Variants in FAM81A observed in about 807,000 individuals in gnomAD.
FAM81A encodes the protein family with sequence similarity 81 member A.
A neutral mutation model predicts 46.7 loss-of-function variants in FAM81A; 19 were observed. The observed-to-expected ratio is 0.41, with a 90% confidence interval of 0.28 to 0.60. FAM81A has a LOEUF of 0.60. FAM81A is among the 20% of genes least tolerant of loss of function. The probability of loss-of-function intolerance (pLI) is 0.34; values close to 1 mark genes in which losing one functional copy is unlikely to be tolerated. For missense variants in FAM81A, 377 were observed against 453.5 expected, an observed-to-expected ratio of 0.83 and a Z score of 1.53; for synonymous variants, 183 against 152.9, an observed-to-expected ratio of 1.20 and a Z score of -1.45.
At chr15:59,494,911 G>A (rs1414218760) in intron 4 of FAM81A, among the ~76,000 whole-genome samples, 4 of 152,140 alleles carry the variant, frequency 2.6e-5, no homozygotes, top group African/African-American at 9.7e-5. Flanking sequence ...GCAAAGGCAA[G>A]TTCTCCATAA....
intron 1 of FAM81A, among the ~76,000 whole-genome samples, chr15:59,450,897 C>T (rs760704887): frequency 3.9e-5 from 6 of 152,228 alleles, no homozygotes; most frequent in Non-Finnish European, 8.8e-5. Flanking sequence ...CCACTGAGTA[C>T]ACGTGACTGT....
intron 6 of FAM81A, among the ~76,000 whole-genome samples, chr15:59,512,879 C>T (rs940326366): frequency 4.6e-5 from 7 of 152,182 alleles, no homozygotes; most frequent in Non-Finnish European, 8.8e-5. Context: ...GTGCTTATGA[C>T]TTTGATGCAT....
chr15:59,443,839 C>T (rs1321281003), intron 1 of FAM81A, among the ~76,000 whole-genome samples: 14 of 152,180 alleles, frequency 9.2e-5, no homozygotes, highest in African/African-American at 3.1e-4. Context: ...TGCACACTGG[C>T]CTCAATCGAC....
At chr15:59,450,103 C>CTT (rs56862038) in intron 1 of FAM81A, among the ~76,000 whole-genome samples, 8,218 of 126,234 alleles carry the variant, frequency 0.065, 451 homozygotes, top group African/African-American at 0.11. Flanking sequence ...TTCTTTCTTT[C>CTT]TTTTTTTTTT....
intron 7 of FAM81A, among the ~76,000 whole-genome samples, chr15:59,516,224 C>T (rs1259461948): frequency 1.3e-5 from 2 of 150,046 alleles, no homozygotes; most frequent in African/African-American, 4.9e-5. Flanking sequence ...CTCCCCTGTT[C>T]AAGTGATTCT....
intron 2 of FAM81A, among the ~76,000 whole-genome samples, chr15:59,416,316 G>A (rs2081146537): frequency 6.6e-6 from 1 of 152,230 alleles, no homozygotes; most frequent in South Asian, 2.1e-4. Flanking sequence ...TGCACGATAA[G>A]CTTCCCATTT....
intron 5 of FAM81A, among the ~76,000 whole-genome samples, chr15:59,507,941 C>T (rs1439583587): frequency 6.6e-6 from 1 of 152,214 alleles, no homozygotes; most frequent in Non-Finnish European, 1.5e-5. Flanking sequence ...TCTACAATAT[C>T]TGCCTTATTT....
intron 3 of FAM81A, among the ~76,000 whole-genome samples, chr15:59,462,948 C>G (rs1217021054): frequency 6.6e-6 from 1 of 152,184 alleles, no homozygotes; most frequent in East Asian, 1.9e-4. Context: ...CAAATATTTT[C>G]TCCCACTCTG....
At chr15:59,418,501 T>C (rs2081156690) in intron 2 of FAM81A, among the ~76,000 whole-genome samples, 1 of 152,224 alleles carries the variant, frequency 6.6e-6, no homozygotes, top group Admixed American at 6.5e-5. Context: ...AGAAAGGGTG[T>C]TAGAATCTGG....
intron 2 of FAM81A, among the ~76,000 whole-genome samples, chr15:59,459,487 C>T (rs180733930): frequency 6.6e-6 from 1 of 152,252 alleles, no homozygotes; most frequent in Non-Finnish European, 1.5e-5. Flanking sequence ...TTCCAGATCT[C>T]TAAATCCCTG....
At chr15:59,424,922 G>A (rs1265636500) in intron 2 of FAM81A, among the ~76,000 whole-genome samples, 1 of 152,198 alleles carries the variant, frequency 6.6e-6, no homozygotes, top group Non-Finnish European at 1.5e-5. Context: ...AATCAGATCA[G>A]TTACTCCTCT....
At chr15:59,427,869 G>C (rs1222767017) in intron 2 of FAM81A, among the ~76,000 whole-genome samples, 1 of 152,194 alleles carries the variant, frequency 6.6e-6, no homozygotes, top group East Asian at 1.9e-4. Flanking sequence ...ATAAACATAA[G>C]AGTGCAGATA....
intron 4 of FAM81A, among the ~76,000 whole-genome samples, chr15:59,503,726 C>G (rs1158060419): frequency 6.6e-6 from 1 of 152,120 alleles, no homozygotes; most frequent in Non-Finnish European, 1.5e-5. Flanking sequence ...GCGTGCACCA[C>G]CACACCCAGC....
intron 1 of FAM81A, among the ~76,000 whole-genome samples, chr15:59,447,388 G>A (rs569093933): frequency 2.1e-3 from 325 of 152,214 alleles, no homozygotes; most frequent in Non-Finnish European, 3.5e-3. Flanking sequence ...ATAATGCCAT[G>A]TGCGTTCCTC....
At chr15:59,504,810 T>C (rs924532421) in intron 4 of FAM81A, among the ~76,000 whole-genome samples, 6 of 152,236 alleles carry the variant, frequency 3.9e-5, no homozygotes, top group Non-Finnish European at 2.9e-5. Context: ...CCTATATCTA[T>C]TGTGGGCTGT....
At chr15:59,402,181 G>A (rs1478280454) in intron 1 of FAM81A, 4 of 217,708 alleles carry the variant, frequency 1.8e-5, no homozygotes, top group Non-Finnish European at 3.6e-5. Flanking sequence ...TCTATCCCAC[G>A]TGTTACTGAT....
At chr15:59,419,154 C>T (rs11855214) in intron 2 of FAM81A, among the ~76,000 whole-genome samples, 67,449 of 151,946 alleles carry the variant, frequency 0.44, 15,645 homozygotes, top group Admixed American at 0.56. Flanking sequence ...ACAGTAGGCA[C>T]GCCCATAACA....
intron 2 of FAM81A, among the ~76,000 whole-genome samples, chr15:59,405,502 A>T (rs543304772): frequency 6.6e-6 from 1 of 152,084 alleles, no homozygotes; most frequent in Non-Finnish European, 1.5e-5. Context: ...TTAGCTGAGC[A>T]TGGTGGTGCA....
intron 3 of FAM81A, among the ~76,000 whole-genome samples, chr15:59,480,890 G>A (rs990518886): frequency 3.0e-4 from 45 of 152,178 alleles, no homozygotes; most frequent in African/African-American, 9.4e-4. Flanking sequence ...GTAATAAGCC[G>A]TCTAACACCT....
Sources: gnomAD v4.1 joint callset for allele counts (sites outside exome capture counted in the v4.1 genomes callset) on GRCh38, gnomAD v4.1.1 for gene constraint, MANE v1.5 for transcripts, NCBI Gene and HGNC (gene_info 2026-07-23, HGNC 2026-07-21) for gene names.